Variants in HPGDS observed in about 807,000 individuals in gnomAD.
HPGDS encodes the protein hematopoietic prostaglandin D synthase.
A neutral mutation model predicts 23.1 loss-of-function variants in HPGDS; 26 were observed. The ratio of observed to expected loss-of-function variants is 1.13; its 90% CI spans 0.83 to 1.56. HPGDS has a LOEUF of 1.56. Ranked by LOEUF, HPGDS falls within the 40% of genes most tolerant of loss-of-function variation. The pLI is 0.00. For missense variants in HPGDS, 268 were observed against 236.4 expected, an observed-to-expected ratio of 1.13 and a Z score of -0.88; for synonymous variants, 95 against 77.9, an observed-to-expected ratio of 1.22 and a Z score of -1.16.
intron 2 of HPGDS, among the ~76,000 whole-genome samples, chr4:94,330,243 G>A (rs536810911): frequency 2.6e-5 from 4 of 152,338 alleles, no homozygotes; most frequent in African/African-American, 9.6e-5. Flanking sequence ...AAATCAAGAA[G>A]TAGAGTCAGG....
intron 2 of HPGDS, among the ~76,000 whole-genome samples, chr4:94,324,938 G>A (rs753146366): frequency 1.9e-4 from 29 of 152,156 alleles, no homozygotes; most frequent in Non-Finnish European, 3.1e-4. Flanking sequence ...TACAGATTGG[G>A]TTTTGGTGTG....
chr4:94,334,684 A>T, intron 1 of HPGDS, 46 bp from the exon 2 acceptor site: 1 of 1,517,558 alleles, frequency 6.6e-7, no homozygotes, highest in Non-Finnish European at 8.8e-7. Flanking sequence ...CCCTCTAGAG[A>T]TGCCTCAATA....
At chr4:94,323,730 G>A (rs898960407) in intron 2 of HPGDS, among the ~76,000 whole-genome samples, 2 of 152,110 alleles carry the variant, frequency 1.3e-5, no homozygotes, top group African/African-American at 4.8e-5. Flanking sequence ...TTGCCAGTCT[G>A]TGTCTTTTAA....
chr4:94,338,382 G>A (rs1181063684), intron 1 of HPGDS, among the ~76,000 whole-genome samples: 1 of 152,030 alleles, frequency 6.6e-6, no homozygotes, highest in African/African-American at 2.4e-5. Context: ...CCAAGACCGC[G>A]ACACTTCACT....
intron 5 of HPGDS, 104 bp from the exon 6 acceptor site, chr4:94,299,748 C>G (rs1755998801): frequency 9.6e-7 from 1 of 1,046,944 alleles, no homozygotes; most frequent in African/African-American, 1.6e-5. Flanking sequence ...TCAAAACAAT[C>G]TTGTTATTAC....
intron 4 of HPGDS, among the ~76,000 whole-genome samples, chr4:94,306,103 T>C (rs991003768): frequency 5.3e-5 from 8 of 152,096 alleles, no homozygotes; most frequent in Admixed American, 5.2e-4. Flanking sequence ...AAGTGTGTAA[T>C]GCCTACTATG....
intron 1 of HPGDS, among the ~76,000 whole-genome samples, chr4:94,340,313 T>TTC (rs1721129735): frequency 5.1e-4 from 9 of 17,610 alleles, no homozygotes; most frequent in Non-Finnish European, 8.4e-4. Flanking sequence ...TTCTTTCTCT[T>TTC]TTTTTTTTTT....
intron 1 of HPGDS, among the ~76,000 whole-genome samples, chr4:94,342,019 C>A (rs1470479412): frequency 6.6e-6 from 1 of 152,082 alleles, no homozygotes; most frequent in African/African-American, 2.4e-5. Flanking sequence ...GGAAAAGTTG[C>A]CAGGTTGGAG....
intron 1 of HPGDS, among the ~76,000 whole-genome samples, chr4:94,338,122 A>G (rs1036128462): frequency 2.6e-5 from 4 of 152,210 alleles, no homozygotes; most frequent in African/African-American, 7.2e-5. Context: ...ATAATAAACT[A>G]CATTAAAAGA....
At chr4:94,309,788 C>G (rs947596894) in intron 3 of HPGDS, among the ~76,000 whole-genome samples, 1 of 151,568 alleles carries the variant, frequency 6.6e-6, no homozygotes, top group African/African-American at 2.4e-5. Context: ...CTCTCCAGCA[C>G]CTGTTGTTTC....
At chr4:94,308,061 T>C (rs3113853) in intron 4 of HPGDS, among the ~76,000 whole-genome samples, 1 of 152,166 alleles carries the variant, frequency 6.6e-6, no homozygotes, top group African/African-American at 2.4e-5. Flanking sequence ...TGTTTGCATA[T>C]ACATAATGAG....
At position 94,340,311 on chromosome 4, in the gene HPGDS, C is replaced by CTTTTTCTTTTCTTTTTTT. The variant is rs1560598005; in HGVS notation, c.-10+2483_-10+2484insAAAAAAAGAAAAGAAAAA. Among the ~76,000 whole-genome samples the CTTTTTCTTTTCTTTTTTT allele has an allele frequency of 1.1e-3, 25 of 23,686 alleles. 5 individuals are homozygous for CTTTTTCTTTTCTTTTTTT. The highest frequency in any genetic ancestry group is 1.8e-3 in the Non-Finnish European group (21 of 11,512). 15.5% of individuals were successfully genotyped at this position (23,686 alleles called of 152,430 possible). On this transcript the variant is annotated intron_variant, in intron 1 of 5. Coordinates refer to ENST00000295256, the MANE Select transcript of HPGDS (RefSeq NM_014485.3). ...TTTCTTTCTTTCTTTCTTTCTTTCT[C>CTTTTTCTTTTCTTTTTTT]TTTTTTTTTTTTTTTTTTTTTTTTT...
chr4:94,340,318 T>TTTTC (rs1721131284), intron 1 of HPGDS, among the ~76,000 whole-genome samples: 1 of 13,012 alleles, frequency 7.7e-5, no homozygotes, highest in Non-Finnish European at 1.5e-4. Flanking sequence ...TCTCTTTTTT[T>TTTTC]TTTTTTTTTT....
Position 94,299,098 on chromosome 4 carries a change from A to G in HPGDS, c.*382T>C, listed in dbSNP as rs576653097. The G allele has an allele frequency of 1.2e-5, 2 of 171,754 alleles. No homozygotes were observed. Among genetic ancestry groups the G allele is most frequent in the Non-Finnish European group, 2.5e-5 (2 of 79,508 alleles). 10.6% of individuals were successfully genotyped at this position (171,754 alleles called of 1,614,324 possible). ...ACAGCGATATGTGAACTGGAGAGCT[A>G]CTAGCAAAGTTTGTGTTTTATGCAA... On this transcript the variant is annotated 3_prime_UTR_variant, in exon 6 of 6. Coordinates refer to ENST00000295256, the MANE Select transcript of HPGDS (RefSeq NM_014485.3).
intron 5 of HPGDS, among the ~76,000 whole-genome samples, chr4:94,300,655 T>C (rs1579422737): frequency 6.6e-6 from 1 of 152,162 alleles, no homozygotes; most frequent in African/African-American, 2.4e-5. Context: ...CAAGGTAGGA[T>C]GCAAGCCCTT....
chr4:94,323,375 C>T (rs1425638492), intron 2 of HPGDS, among the ~76,000 whole-genome samples: 1 of 152,098 alleles, frequency 6.6e-6, no homozygotes, highest in Non-Finnish European at 1.5e-5. Flanking sequence ...TAAAGTCTCC[C>T]ATTATTATTG....
At position 94,317,891 on chromosome 4, in the gene HPGDS, A is replaced by G. The variant is rs368980985; in HGVS notation, c.208T>C (p.Tyr70His). 15 of 1,609,338 alleles carry G rather than the reference A, an allele frequency of 9.3e-6. No individual in the cohort carries two copies. In the African/African-American group the frequency reaches 1.2e-4, roughly 13 times the overall value. Reference protein sequence around the residue: ...TLHQSLAIARYLTKNTDLAGN... With the variant: ...TLHQSLAIARHLTKNTDLAGN... Reference sequence around the variant, plus strand: ...ATGTTACCTGTGTTTTTGGTCAAATATCTTGCTATTGCTAGGCTCTGGTGA... The same window carrying G: ...ATGTTACCTGTGTTTTTGGTCAAATGTCTTGCTATTGCTAGGCTCTGGTGA... The change falls in exon 3 of 6, where the codon TAT becomes CAT. Residue 70 changes from tyrosine (Y) to histidine (H), a missense_variant. Coordinates refer to ENST00000295256, the MANE Select transcript of HPGDS (RefSeq NM_014485.3).
chr4:94,325,550 G>C (rs1756613189), intron 2 of HPGDS, among the ~76,000 whole-genome samples: 1 of 152,204 alleles, frequency 6.6e-6, no homozygotes, highest in African/African-American at 2.4e-5. Flanking sequence ...TGCTGCACAA[G>C]CAGTGAGCAA....
intron 3 of HPGDS, among the ~76,000 whole-genome samples, chr4:94,314,552 C>T (rs139506906): frequency 0.025 from 3,776 of 152,246 alleles, 107 homozygotes; most frequent in African/African-American, 0.075. Context: ...TGCCCCTACT[C>T]GGGGGTGCCT....
Sources: gnomAD v4.1 joint callset for allele counts (sites outside exome capture counted in the v4.1 genomes callset) on GRCh38, gnomAD v4.1.1 for gene constraint, MANE v1.5 for transcripts, NCBI Gene and HGNC (gene_info 2026-07-23, HGNC 2026-07-21) for gene names.